TMC7: variants seen among roughly 807,000 people sequenced by gnomAD.
TMC7 encodes the protein transmembrane channel-like protein 7.
In TMC7, 54 loss-of-function variants were observed where a neutral mutation model predicts 82.9. That is an observed-to-expected ratio of 0.65 (90% CI 0.52 to 0.82). TMC7 has a LOEUF of 0.82. Ranked by LOEUF, TMC7 falls within the 40% of genes least tolerant of loss-of-function variation. TMC7 has a pLI of 0.00. For synonymous variants in TMC7, 350 were observed against 337.9 expected (o/e 1.04, Z -0.39); for missense variants, 820 against 901.2 (o/e 0.91, Z 1.15).
At chr16:19,023,351 C>T (rs546607513) in intron 5 of TMC7, among the ~76,000 whole-genome samples, 156 bp downstream of exon 5, 38 of 152,298 alleles carry the variant, frequency 2.5e-4, no homozygotes, top group African/African-American at 8.9e-4. Flanking sequence ...GTTACCTCAT[C>T]AGAAAGAACA....
At chr16:19,020,262 C>T (rs1959902459) in intron 3 of TMC7, among the ~76,000 whole-genome samples, 1 of 152,072 alleles carries the variant, frequency 6.6e-6, no homozygotes, top group Non-Finnish European at 1.5e-5. Flanking sequence ...AAAGCTCTTT[C>T]CTTGAGATTG....
In TMC7 at chr16:19,035,741, A is replaced by G; in HGVS notation, c.923A>G (p.Lys308Arg). ...GAGCACTTTCAGAGTTACTGCAACA[A>G]GATATTTGCCGGCTGGGACTTCTGC... The part of the protein sequence containing the change: ...SEEHFQSYCN[K>R]IFAGWDFCIT... The change falls in exon 7 of 16, where the codon AAG becomes AGG. Residue 308 changes from lysine (K) to arginine (R), a missense_variant. Physicochemically the swap from Lys to Arg is conservative, Grantham distance 26. Coordinates refer to ENST00000304381, the MANE Select transcript of TMC7 (RefSeq NM_024847.4). 1 of 1,613,928 alleles carries G rather than the reference A, an allele frequency of 6.2e-7. No homozygotes were observed. Among genetic ancestry groups the G allele is most frequent in the Non-Finnish European group, 8.5e-7 (1 of 1,179,958 alleles).
intron 1 of TMC7, among the ~76,000 whole-genome samples, chr16:18,998,171 G>A (rs766189486): frequency 3.9e-5 from 6 of 152,158 alleles, no homozygotes; most frequent in African/African-American, 1.2e-4. Flanking sequence ...TACAGAAAAC[G>A]TTTGCTGACG....
At chr16:18,999,365 T>C (rs564327259) in intron 1 of TMC7, among the ~76,000 whole-genome samples, 1 of 152,226 alleles carries the variant, frequency 6.6e-6, no homozygotes, top group Non-Finnish European at 1.5e-5. Context: ...AGTGCAGATA[T>C]AGAACATGCC....
At position 19,009,272 on chromosome 16, in the gene TMC7, C is replaced by A; in HGVS notation, c.168C>A (p.Val56=). Residue 56 remains valine, a synonymous_variant, in exon 2 of 16, where the codon GTC becomes GTA. Coordinates refer to ENST00000304381, the MANE Select transcript of TMC7 (RefSeq NM_024847.4). ...YRSIARRRTT[V]HSRDKQSGTL... ...CCATTGCACGTAGGAGAACGACTGT[C>A]CATTCCCGGGACAAGCAAAGCGGAA... is the stretch of plus-strand genomic sequence containing the variant. 6.2e-7 allele frequency: 1 copy of A among 1,614,206 alleles called. No individual in the cohort carries two copies. Among genetic ancestry groups the A allele is most frequent in the Non-Finnish European group, 8.5e-7 (1 of 1,180,044 alleles).
chr16:19,060,476 A>G lies in TMC7; in HGVS notation c.2106+982A>G, dbSNP rs114698141. The stretch of plus-strand genomic sequence containing the variant: ...CCTCTCAGTTCCCCAAAGTGCTGGG[A>G]TTACAGGCATGAGCCACTATGCCTG... On this transcript the variant is annotated intron_variant, in intron 15 of 15. Coordinates refer to ENST00000304381, the MANE Select transcript of TMC7 (RefSeq NM_024847.4). Among the ~76,000 whole-genome samples, 1,070 of 152,222 alleles carry G rather than the reference A, an allele frequency of 7.0e-3. 9 individuals are homozygous for G. The highest frequency in any genetic ancestry group is 0.024 in the African/African-American group (1,015 of 41,520).
intron 1 of TMC7, among the ~76,000 whole-genome samples, chr16:18,999,928 T>C (rs2142144103): frequency 6.6e-6 from 1 of 152,082 alleles, no homozygotes; most frequent in South Asian, 2.1e-4. Context: ...CACGCCCTGC[T>C]AATTATTTGT....
At chr16:18,998,451 C>T (rs865923062) in intron 1 of TMC7, among the ~76,000 whole-genome samples, 16 of 152,198 alleles carry the variant, frequency 1.1e-4, no homozygotes, top group South Asian at 1.0e-3. Context: ...AGATGCTCCA[C>T]GGGCATGAAA....
At chr16:19,031,361 G>A (rs149745195) in intron 6 of TMC7, among the ~76,000 whole-genome samples, 1,934 of 152,306 alleles carry the variant, frequency 0.013, 24 homozygotes, top group Middle Eastern at 0.058. Flanking sequence ...TGTGGCCAGG[G>A]GCTGGGGTCC....
At position 18,984,061 on chromosome 16, in the gene TMC7, G is replaced by T. The variant is rs2038797585; in HGVS notation, c.-3G>T. The stretch of plus-strand genomic sequence containing the variant: ...CAGCCTCTGAGGAGCGCGGGGCGCG[G>T]CCATGAGCGAGTCCAGCGGCAGTGC... On this transcript the variant is annotated 5_prime_UTR_variant, in exon 1 of 16. Coordinates refer to ENST00000304381, the MANE Select transcript of TMC7 (RefSeq NM_024847.4). 5 of 1,490,928 alleles carry T rather than the reference G, an allele frequency of 3.4e-6. No individual in the cohort carries two copies. The highest frequency in any genetic ancestry group is 4.4e-6 in the Non-Finnish European group (5 of 1,128,378). 92.4% of individuals were successfully genotyped at this position (1,490,928 alleles called of 1,614,324 possible). A position where few individuals can be genotyped will look rare whatever the true frequency, so the allele number is the denominator to read the frequency against.
intron 3 of TMC7, among the ~76,000 whole-genome samples, chr16:19,017,418 CTAT>C (rs965980415): frequency 6.7e-5 from 10 of 149,206 alleles, no homozygotes; most frequent in African/African-American, 2.4e-4. Context: ...TATTAGTAAA[CTAT>C]TATTTCATGC....
intron 2 of TMC7, among the ~76,000 whole-genome samples, chr16:19,012,788 C>CAAA (rs139163132): frequency 2.0e-4 from 13 of 66,632 alleles, no homozygotes; most frequent in African/African-American, 6.3e-4. Context: ...GATTCCATCT[C>CAAA]AAAAAAAAAA....
Position 19,030,216 on chromosome 16 carries a change from C to A in TMC7, c.712-8C>A. 6.2e-7 allele frequency: 1 copy of A among 1,607,940 alleles called. No individual in the cohort carries two copies. Among genetic ancestry groups the A allele is most frequent in the Non-Finnish European group, 8.5e-7 (1 of 1,177,946 alleles). ...CAGTCTGACTTCATGCTCTTGGCTT[C>A]GTTTCAGGGTTTCCTGGAGGAAACT... On this transcript the variant is annotated splice_polypyrimidine_tract_variant and splice_region_variant and intron_variant, in intron 5 of 15. Transcript: ENST00000304381.
At chr16:19,032,126 C>T (rs553490940) in intron 6 of TMC7, among the ~76,000 whole-genome samples, 162 of 152,212 alleles carry the variant, frequency 1.1e-3, no homozygotes, top group African/African-American at 3.8e-3. Context: ...TCTTTCTTGC[C>T]CACTTGATTG....
At chr16:19,021,231 A>G (rs1959959057) in intron 3 of TMC7, among the ~76,000 whole-genome samples, 1 of 152,258 alleles carries the variant, frequency 6.6e-6, no homozygotes, top group South Asian at 2.1e-4. Flanking sequence ...TAATTAAGAC[A>G]GTCTAGCATT....
chr16:19,036,423 C>T (rs1230890667), intron 7 of TMC7, among the ~76,000 whole-genome samples: 4 of 152,040 alleles, frequency 2.6e-5, no homozygotes, highest in East Asian at 1.9e-4. Flanking sequence ...GCAAGAGAAT[C>T]GCTTGAACCG....
intron 15 of TMC7, 33 bp from the exon 16 acceptor site, chr16:19,061,745 A>AT (rs772062534): frequency 6.3e-7 from 1 of 1,588,570 alleles, no homozygotes; most frequent in South Asian, 1.1e-5. Context: ...TTCCAAATAT[A>AT]TTAAATGTAC....
chr16:19,042,081 G>T (rs1961038200), intron 9 of TMC7, among the ~76,000 whole-genome samples: 2 of 152,132 alleles, frequency 1.3e-5, no homozygotes, highest in African/African-American at 4.8e-5. Flanking sequence ...GGGGTGCCGT[G>T]TCCTTCCTGT....
At chr16:19,053,841 TTTTC>T (rs1382421508) in intron 13 of TMC7, among the ~76,000 whole-genome samples, 1 of 144,352 alleles carries the variant, frequency 6.9e-6, no homozygotes, top group African/African-American at 2.7e-5. Flanking sequence ...TATCTGTGTC[TTTTC>T]TTTCTTTTTT....
Sources: gnomAD v4.1 joint callset for allele counts (sites outside exome capture counted in the v4.1 genomes callset) on GRCh38, gnomAD v4.1.1 for gene constraint, MANE v1.5 for transcripts, NCBI Gene and HGNC (gene_info 2026-07-23, HGNC 2026-07-21) for gene names.